TOPAZ1: variants seen among roughly 807,000 people sequenced by gnomAD.
The protein encoded by TOPAZ1 is testis and ovary specific TOPAZ 1.
Under a neutral mutation model 172.2 loss-of-function variants are expected in TOPAZ1, and 66 were observed. The observed-to-expected ratio is 0.38, with a 90% CI of 0.31 to 0.47. The LOEUF is 0.47. Among genes scored for constraint, TOPAZ1 ranks in the 20% least tolerant of loss-of-function variants. The probability of loss-of-function intolerance (pLI) is 0.99; values close to 1 mark genes in which losing one functional copy is unlikely to be tolerated. For synonymous variants in TOPAZ1, 681 were observed against 683.9 expected (o/e 1.00, Z 0.07); for missense variants, 1,822 against 1,972.4 (o/e 0.92, Z 1.44).
downstream of TOPAZ1, among the ~76,000 whole-genome samples, chr3:44,334,565 G>A (rs1575223973): frequency 6.6e-6 from 1 of 152,074 alleles, no homozygotes; most frequent in African/African-American, 2.4e-5. Flanking sequence ...ATTGTAATCT[G>A]GAAGATAGAA....
intron 2 of TOPAZ1, among the ~76,000 whole-genome samples, chr3:44,249,702 A>G (rs1699607421): frequency 1.3e-5 from 2 of 152,202 alleles, no homozygotes; most frequent in Admixed American, 6.5e-5. Context: ...GAGATGGGAA[A>G]GAGAATTAAG....
intron 9 of TOPAZ1, among the ~76,000 whole-genome samples, chr3:44,283,663 A>G (rs1700046159): frequency 6.6e-6 from 1 of 152,230 alleles, no homozygotes; most frequent in Non-Finnish European, 1.5e-5. Flanking sequence ...GAAATAATAC[A>G]AACAAGAGGC....
Position 44,321,204 on chromosome 3 carries a change from A to C in TOPAZ1, c.4471+13A>C. Reference sequence around the variant, plus strand: ...CAAAATTCCCAAGGTATGTTTTTTAAAAGTCTATCTTAATTATCTCTTGCC... The same window carrying C: ...CAAAATTCCCAAGGTATGTTTTTTACAAGTCTATCTTAATTATCTCTTGCC... On this transcript the variant is annotated intron_variant, in intron 17 of 19. Transcript: ENST00000309765. 1 of 1,531,208 alleles carries C rather than the reference A, an allele frequency of 6.5e-7. No homozygotes were observed. Among genetic ancestry groups the C allele is most frequent in the Non-Finnish European group, 8.8e-7 (1 of 1,137,784 alleles). 94.9% of individuals were successfully genotyped at this position (1,531,208 alleles called of 1,614,324 possible).
At chr3:44,273,898 A>G (rs369957602) in intron 8 of TOPAZ1, among the ~76,000 whole-genome samples, 2 of 152,206 alleles carry the variant, frequency 1.3e-5, no homozygotes, top group Admixed American at 6.5e-5. Context: ...AAATAAAAAT[A>G]TATTCATGAG....
At chr3:44,250,698 T>A (rs1163422165) in intron 2 of TOPAZ1, among the ~76,000 whole-genome samples, 33 of 152,314 alleles carry the variant, frequency 2.2e-4, no homozygotes, top group Admixed American at 2.1e-3. Flanking sequence ...TCAATTACTC[T>A]GCAAACTACC....
chr3:44,328,545 ATATT>A (rs1700628500), intron 19 of TOPAZ1, 112 bp downstream of exon 19: 2 of 486,880 alleles, frequency 4.1e-6, no homozygotes, highest in Non-Finnish European at 6.8e-6. Flanking sequence ...ATTTATGTAT[ATATT>A]TATATATGTA....
intron 16 of TOPAZ1, among the ~76,000 whole-genome samples, chr3:44,310,280 C>G (rs1030840364): frequency 1.3e-5 from 2 of 152,220 alleles, no homozygotes; most frequent in Admixed American, 6.5e-5. Context: ...CAGCGGATCA[C>G]CTGAGGTCAG....
At chr3:44,335,498 C>A (rs148871216), downstream of TOPAZ1, among the ~76,000 whole-genome samples, 4 of 152,174 alleles carry the variant, frequency 2.6e-5, no homozygotes, top group African/African-American at 9.6e-5. Flanking sequence ...GTGGTGCACA[C>A]CTATAATCCC....
At chr3:44,249,776 A>G (rs1438510377) in intron 2 of TOPAZ1, among the ~76,000 whole-genome samples, 1 of 152,248 alleles carries the variant, frequency 6.6e-6, no homozygotes, top group East Asian at 1.9e-4. Flanking sequence ...GATTACATGT[A>G]AATGGAGACA....
Position 44,328,317 on chromosome 3 carries a change from A to G in TOPAZ1, c.4743A>G (p.Pro1581=). The change falls in exon 19 of 20, where the codon CCA becomes CCG. Residue 1581 remains proline (P), a synonymous_variant. Transcript: ENST00000309765. ...TATACCGAAAACTTCTTCTAATTCC[A>G]TCTTATTTATCTGAGATTGAAATGC... ...GNLYRKLLLI[P]SYLSEIEMLL... is the part of the protein sequence containing the mutation. 1 of 1,517,916 alleles carries G rather than the reference A, an allele frequency of 6.6e-7. No homozygotes were observed. 94.0% of individuals were successfully genotyped at this position (1,517,916 alleles called of 1,614,324 possible).
intron 2 of TOPAZ1, among the ~76,000 whole-genome samples, chr3:44,251,502 G>C (rs866120727): frequency 6.6e-6 from 1 of 152,104 alleles, no homozygotes; most frequent in South Asian, 2.1e-4. Context: ...CAGCTATTTT[G>C]CCAATTACCC....
Position 44,265,939 on chromosome 3 carries a change from G to A in TOPAZ1, c.3021-1058G>A, listed in dbSNP as rs535604249. Among the ~76,000 whole-genome samples the A allele has an allele frequency of 6.6e-5, 10 of 152,218 alleles. 1 individual carries two copies. The highest frequency in any genetic ancestry group is 4.1e-4 in the South Asian group (2 of 4,820). On this transcript the variant is annotated intron_variant, in intron 5 of 19. Transcript: ENST00000309765. The stretch of plus-strand genomic sequence containing the variant: ...AAAGTCCTAGATGGTATCTTCTTCC[G>A]GTATAAGGCAGTTTTGTCTACATTG...
chr3:44,252,278 C>G (rs757002525), intron 2 of TOPAZ1, among the ~76,000 whole-genome samples: 104 of 152,198 alleles, frequency 6.8e-4, no homozygotes, highest in Non-Finnish European at 1.3e-3. Flanking sequence ...CTCAATATCT[C>G]TCATGGCTGT....
At chr3:44,287,870 A>T in intron 11 of TOPAZ1, 31 bp downstream of exon 11, 1 of 1,080,218 alleles carries the variant, frequency 9.3e-7, no homozygotes, top group South Asian at 1.5e-5. Flanking sequence ...TTATTCTCTG[A>T]TGGCGAGTAA....
At chr3:44,334,328 GA>G (rs1700701731), downstream of TOPAZ1, among the ~76,000 whole-genome samples, 1 of 152,160 alleles carries the variant, frequency 6.6e-6, no homozygotes, top group Non-Finnish European at 1.5e-5. Flanking sequence ...CAAGAAAGGG[GA>G]AACGGCACAG....
intron 15 of TOPAZ1, among the ~76,000 whole-genome samples, chr3:44,308,464 T>G (rs1700360391): frequency 6.6e-6 from 1 of 152,180 alleles, no homozygotes; most frequent in Non-Finnish European, 1.5e-5. Context: ...AACTCATCCT[T>G]TTTTATGGCT....
rs1460943298 is a variant in TOPAZ1 at position 44,242,379 on chromosome 3, C to A, written c.326C>A (p.Pro109His). ...GLEAAKEAEL[P>H]LQTERHTKEK... ...GAAGCAGCAAAGGAGGCTGAACTCCCCTTGCAAACGGAAAGACACAGTAAG... is the reference window on the plus strand; with the variant it reads ...GAAGCAGCAAAGGAGGCTGAACTCCACTTGCAAACGGAAAGACACAGTAAG... The change falls in exon 1 of 20, where the codon CCC becomes CAC. Residue 109 changes from proline (P) to histidine (H), a missense_variant. Transcript: ENST00000309765. The A allele has an allele frequency of 6.4e-6, 10 of 1,552,246 alleles. No individual in the cohort carries two copies. Among genetic ancestry groups the A allele is most frequent in the African/African-American group, 1.4e-5 (1 of 73,058 alleles).
Position 44,255,670 on chromosome 3 carries a change from T to C in TOPAZ1, c.2828-481T>C, listed in dbSNP as rs866625300. ...CTGTCTCAAAAAAAAAAAATATATA[T>C]ACACACACACACACACACACACACA... On this transcript the variant is annotated intron_variant, in intron 3 of 19. Coordinates refer to ENST00000309765, the MANE Select transcript of TOPAZ1 (RefSeq NM_001145030.2). Among the ~76,000 whole-genome samples the C allele has an allele frequency of 3.3e-3, 154 of 46,340 alleles. 2 individuals carry two copies. Among genetic ancestry groups the C allele is most frequent in the South Asian group, 5.7e-3 (5 of 880 alleles). 30.4% of individuals were successfully genotyped at this position (46,340 alleles called of 152,430 possible).
chr3:44,282,269 A>G (rs28691772), intron 9 of TOPAZ1, among the ~76,000 whole-genome samples: 1,557 of 152,332 alleles, frequency 0.01, 23 homozygotes, highest in African/African-American at 0.036. Flanking sequence ...AATTTTATTT[A>G]TAAGTGTAAG....
Sources: gnomAD v4.1 joint callset for allele counts (sites outside exome capture counted in the v4.1 genomes callset) on GRCh38, gnomAD v4.1.1 for gene constraint, MANE v1.5 for transcripts, NCBI Gene and HGNC (gene_info 2026-07-23, HGNC 2026-07-21) for gene names.